The following KIF26B variants were observed in gnomAD, a reference collection of about 807,000 sequenced individuals.
The protein encoded by KIF26B is kinesin-like protein KIF26B.
KIF26B carries 63 observed loss-of-function variants against 151.2 expected under a neutral mutation model. That is an observed-to-expected ratio of 0.42 (90% CI 0.34 to 0.51). The LOEUF (loss-of-function observed/expected upper bound fraction) is 0.51. Among genes scored for constraint, KIF26B ranks in the 20% least tolerant of loss-of-function variants. The pLI is 0.07. For synonymous variants in KIF26B, 1,357 were observed against 1,262.1 expected, an observed-to-expected ratio of 1.08 and a Z score of -1.59; for missense variants, 2,813 against 2,913.6, an observed-to-expected ratio of 0.97 and a Z score of 0.79.
In KIF26B at chr1:245,167,299, G is replaced by A. The variant is rs1668631936; in HGVS notation, c.465+10616G>A. Among the ~76,000 whole-genome samples, 1 of 152,034 alleles carries A rather than the reference G, an allele frequency of 6.6e-6. No individual in the cohort carries two copies. The highest frequency in any genetic ancestry group is 1.5e-5 in the Non-Finnish European group (1 of 68,022). On this transcript the variant is annotated intron_variant, in intron 2 of 14. Transcript: ENST00000407071. This position sits in a 1 kb window ranked among gnomAD's most constrained non-coding sequence, Gnocchi z 4.2. ...TTTGATATGTCCTTATCTAAGTGAT[G>A]TCTGAGGTCTGTATATGCTAATTCA...
Position 245,688,545 on chromosome 1 carries a change from C to T in KIF26B, c.5562C>T (p.Ile1854=), listed in dbSNP as rs1393651266. 6.5e-7 allele frequency: 1 copy of T among 1,541,506 alleles called. No individual in the cohort carries two copies. The highest frequency in any genetic ancestry group is 2.0e-5 in the Admixed American group (1 of 51,014). ...TGCTCCCGTCGCCCTACAGCAAGATCACGCCCCCGCGGAGGCCCCACCGCT... is the reference window on the plus strand; with the variant it reads ...TGCTCCCGTCGCCCTACAGCAAGATTACGCCCCCGCGGAGGCCCCACCGCT... The part of the protein sequence containing the change: ...AHLLPSPYSK[I]TPPRRPHRCS... The change falls in exon 12 of 15, where the codon ATC becomes ATT. Residue 1854 remains isoleucine (I), a synonymous_variant. Transcript: ENST00000407071.
chr1:245,233,756 CCTGT>C (rs1320168363), intron 2 of KIF26B, among the ~76,000 whole-genome samples: 1 of 152,168 alleles, frequency 6.6e-6, no homozygotes, highest in Non-Finnish European at 1.5e-5. Context: ...TAGTACCTGT[CCTGT>C]CTGATGAGAG....
chr1:245,252,649 GATAAT>G (rs1156782399), intron 2 of KIF26B, among the ~76,000 whole-genome samples: 2 of 150,658 alleles, frequency 1.3e-5, no homozygotes, highest in African/African-American at 5.0e-5. Context: ...CATAATTGCA[GATAAT>G]ATGTCTGCAA....
intron 2 of KIF26B, among the ~76,000 whole-genome samples, chr1:245,357,828 G>A (rs1353299193): frequency 6.6e-6 from 1 of 152,088 alleles, no homozygotes; most frequent in African/African-American, 2.4e-5. Context: ...AATTGTGTGG[G>A]GCCCAAAACA....
At chr1:245,220,351 C>T (rs1182811745) in intron 2 of KIF26B, among the ~76,000 whole-genome samples, 1 of 152,136 alleles carries the variant, frequency 6.6e-6, no homozygotes, top group East Asian at 1.9e-4. Context: ...TGATCACTGA[C>T]TCCACTTTTC....
intron 4 of KIF26B, among the ~76,000 whole-genome samples, chr1:245,533,579 G>A (rs1407928958): frequency 6.6e-6 from 1 of 152,080 alleles, no homozygotes; most frequent in Non-Finnish European, 1.5e-5. Context: ...TGATTTTCCT[G>A]TCTGTGCCCC....
chr1:245,624,969 T>TTG (rs932757250), intron 9 of KIF26B, among the ~76,000 whole-genome samples: 5 of 152,162 alleles, frequency 3.3e-5, no homozygotes, highest in African/African-American at 7.2e-5. Context: ...AGGTGTTTTT[T>TTG]TGTGTGTGTG....
chr1:245,487,345 G>T lies in KIF26B; in HGVS notation c.1167-53422G>T, dbSNP rs149688975. Among the ~76,000 whole-genome samples the T allele has an allele frequency of 2.0e-5, 3 of 152,286 alleles. No homozygotes were observed. The East Asian group carries it at 5.8e-4, about 29-fold the overall frequency. On this transcript the variant is annotated intron_variant, in intron 4 of 14. Transcript: ENST00000407071. ...GGCTCAGTGCAAAATGAAACAGAGGGACTCTAGCTCAAAAATGATTAAAAG... is the reference window on the plus strand; with the variant it reads ...GGCTCAGTGCAAAATGAAACAGAGGTACTCTAGCTCAAAAATGATTAAAAG...
chr1:245,526,235 T>A (rs1661233109), intron 4 of KIF26B, among the ~76,000 whole-genome samples: 2 of 152,174 alleles, frequency 1.3e-5, no homozygotes, highest in African/African-American at 4.8e-5. Context: ...TTGCCATGGT[T>A]TTTAGCAATC....
chr1:245,239,757 G>C lies in KIF26B; in HGVS notation c.465+83074G>C, dbSNP rs1169222101. Among the ~76,000 whole-genome samples the C allele has an allele frequency of 6.6e-6, 1 of 151,892 alleles. No homozygotes were observed. Among genetic ancestry groups the C allele is most frequent in the East Asian group, 2.0e-4 (1 of 5,124 alleles). On this transcript the variant is annotated intron_variant, in intron 2 of 14. Transcript: ENST00000407071. This position sits in a 1 kb window ranked among gnomAD's most constrained non-coding sequence, Gnocchi z 4.3. The stretch of plus-strand genomic sequence containing the variant: ...TGACCTCAGGTGATCTGGCCTCCCA[G>C]AGTGCTGGGATTACAGGCATGAGCC...
intron 5 of KIF26B, among the ~76,000 whole-genome samples, chr1:245,547,744 G>A (rs1386626752): frequency 6.6e-6 from 1 of 152,056 alleles, no homozygotes; most frequent in African/African-American, 2.4e-5. Context: ...GGTTTAATTA[G>A]ATCAGATTTA....
intron 3 of KIF26B, among the ~76,000 whole-genome samples, chr1:245,401,120 C>T (rs79770403): frequency 0.014 from 2,188 of 152,262 alleles, 45 homozygotes; most frequent in African/African-American, 0.043. Context: ...AAATCCTGAA[C>T]TCACTTCAAA....
chr1:245,341,842 G>A (rs1387585148), intron 2 of KIF26B, among the ~76,000 whole-genome samples: 1 of 152,202 alleles, frequency 6.6e-6, no homozygotes, highest in African/African-American at 2.4e-5. Flanking sequence ...AGAGGGAGGT[G>A]CACAGCTGTG....
intron 4 of KIF26B, among the ~76,000 whole-genome samples, chr1:245,531,939 A>T (rs1661371279): frequency 6.6e-6 from 1 of 152,074 alleles, no homozygotes; most frequent in Admixed American, 6.5e-5. Flanking sequence ...TCTACACAAA[A>T]AACCTTTTTC....
chr1:245,340,373 G>A (rs982845169), intron 2 of KIF26B, among the ~76,000 whole-genome samples: 1 of 151,314 alleles, frequency 6.6e-6, no homozygotes, highest in African/African-American at 2.4e-5. Context: ...AACTCTGTAC[G>A]TGTTAAGTAC....
chr1:245,216,519 A>G (rs1573713749), intron 2 of KIF26B, among the ~76,000 whole-genome samples: 1 of 151,966 alleles, frequency 6.6e-6, no homozygotes, highest in Admixed American at 6.6e-5. Context: ...CATTTCATTT[A>G]TTTTCCTTTG....
chr1:245,486,158 C>G (rs902237439), intron 4 of KIF26B, among the ~76,000 whole-genome samples: 5 of 152,218 alleles, frequency 3.3e-5, no homozygotes, highest in African/African-American at 1.2e-4. Context: ...CTAATTTAAG[C>G]ACATAGTCTT....
At chr1:245,418,191 C>T (rs112221766) in intron 3 of KIF26B, among the ~76,000 whole-genome samples, 101 of 152,266 alleles carry the variant, frequency 6.6e-4, no homozygotes, top group African/African-American at 2.3e-3. Context: ...GACGGGAGCC[C>T]GCACCACACA....
rs142809905 is a variant in KIF26B at position 245,687,308 on chromosome 1, T to G, written c.4325T>G (p.Leu1442Arg). 3,607 of 1,605,092 alleles carry G rather than the reference T, an allele frequency of 2.2e-3. 69 individuals are homozygous for G. In the African/African-American group the frequency reaches 0.043, roughly 19 times the overall value. Residue 1442 changes from leucine to arginine, a missense_variant, in exon 12 of 15, where the codon CTG becomes CGG. Physicochemically the swap from Leu to Arg is moderately radical, Grantham distance 102. Coordinates refer to ENST00000407071, the MANE Select transcript of KIF26B (RefSeq NM_018012.4). This position sits in a 1 kb window ranked among gnomAD's most constrained non-coding sequence, Gnocchi z 4.9. Reference protein sequence around the residue: ...KKEMKFEDPWLKREEEVKKET... With the variant: ...KKEMKFEDPWRKREEEVKKET... ...GAGATGAAATTTGAGGACCCGTGGC[T>G]GAAACGAGAAGAGGAAGTGAAAAAA... is the stretch of plus-strand genomic sequence containing the variant.
Sources: gnomAD v4.1 joint callset for allele counts (sites outside exome capture counted in the v4.1 genomes callset) on GRCh38, gnomAD v4.1.1 for gene constraint, Gnocchi (gnomAD v3.1) non-coding constraint, MANE v1.5 for transcripts, NCBI Gene and HGNC (gene_info 2026-07-23, HGNC 2026-07-21) for gene names.